The following HS3ST5 variants were observed in gnomAD, a reference collection of about 807,000 sequenced individuals.
HS3ST5 encodes heparan sulfate-glucosamine 3-sulfotransferase 5, also known as heparan sulfate glucosamine 3-O-sulfotransferase 5.
HS3ST5 carries 10 observed loss-of-function variants against 25.4 expected under a neutral mutation model. That is an observed-to-expected ratio of 0.39 (90% CI 0.24 to 0.67). The LOEUF is 0.67. HS3ST5 is among the 30% of genes least tolerant of loss of function. The probability of loss-of-function intolerance (pLI) is 0.44; values close to 1 mark genes in which losing one functional copy is unlikely to be tolerated. For missense variants in HS3ST5, 324 were observed against 420.7 expected (o/e 0.77, Z 2.01); for synonymous variants, 170 against 162.4 (o/e 1.05, Z -0.36).
At chr6:114,303,554 G>T (rs1775171942) in intron 1 of HS3ST5, among the ~76,000 whole-genome samples, 1 of 151,792 alleles carries the variant, frequency 6.6e-6, no homozygotes. Flanking sequence ...ACTAGTTTAA[G>T]AGAATATAAG....
intron 1 of HS3ST5, among the ~76,000 whole-genome samples, chr6:114,273,246 TGA>T (rs779693638): frequency 6.6e-6 from 1 of 151,988 alleles, no homozygotes; most frequent in Non-Finnish European, 1.5e-5. Flanking sequence ...ATGTAAAGTA[TGA>T]GAGAAAAACC....
intron 1 of HS3ST5, among the ~76,000 whole-genome samples, chr6:114,301,982 G>A (rs1775095089): frequency 1.3e-5 from 2 of 152,168 alleles, no homozygotes; most frequent in African/African-American, 4.8e-5. Flanking sequence ...ATCTTCGCTG[G>A]CTTTCAACAT....
chr6:114,145,588 A>G (rs1778121851), intron 3 of HS3ST5, among the ~76,000 whole-genome samples: 1 of 152,184 alleles, frequency 6.6e-6, no homozygotes, highest in Non-Finnish European at 1.5e-5. Flanking sequence ...ACATGGGCAG[A>G]AAATGACAGA....
At chr6:114,232,654 G>A (rs1159999633) in intron 1 of HS3ST5, among the ~76,000 whole-genome samples, 1 of 152,172 alleles carries the variant, frequency 6.6e-6, no homozygotes, top group African/African-American at 2.4e-5. Flanking sequence ...TCAGTTGAAT[G>A]AGCCAAAATC....
At chr6:114,248,217 A>AATATAT (rs34339841) in intron 1 of HS3ST5, among the ~76,000 whole-genome samples, 2 of 143,152 alleles carry the variant, frequency 1.4e-5, no homozygotes, top group Non-Finnish European at 3.0e-5. Flanking sequence ...TGAAAAAAAA[A>AATATAT]ATATATATAT....
chr6:114,137,276 A>C (rs561545734), intron 3 of HS3ST5, among the ~76,000 whole-genome samples: 14 of 152,228 alleles, frequency 9.2e-5, no homozygotes, highest in Admixed American at 6.5e-5. Flanking sequence ...AAGTAACAGT[A>C]TGCTGGCTTT....
chr6:114,097,367 T>C (rs1326922443), intron 3 of HS3ST5, among the ~76,000 whole-genome samples: 2 of 151,966 alleles, frequency 1.3e-5, no homozygotes, highest in Non-Finnish European at 2.9e-5. Context: ...TTCTAAGATA[T>C]GCAAAATGCA....
At chr6:114,085,891 CTTTTA>C (rs1281917515) in intron 3 of HS3ST5, among the ~76,000 whole-genome samples, 1 of 145,808 alleles carries the variant, frequency 6.9e-6, no homozygotes, top group Non-Finnish European at 1.5e-5. Flanking sequence ...ATAAAAATTG[CTTTTA>C]TTTTATTCAT....
intron 1 of HS3ST5, among the ~76,000 whole-genome samples, chr6:114,247,995 T>C (rs1772458651): frequency 6.6e-6 from 1 of 151,340 alleles, no homozygotes; most frequent in Non-Finnish European, 1.5e-5. Flanking sequence ...AGGTCAGGAG[T>C]TCGAGACCAG....
intron 3 of HS3ST5, among the ~76,000 whole-genome samples, chr6:114,095,401 A>G (rs777654731): frequency 7.9e-5 from 12 of 152,130 alleles, no homozygotes; most frequent in Non-Finnish European, 1.8e-4. Context: ...TGAAGTTCAA[A>G]CTACACAACC....
intron 1 of HS3ST5, among the ~76,000 whole-genome samples, chr6:114,290,168 T>C (rs1409525178): frequency 1.3e-5 from 2 of 152,126 alleles, no homozygotes; most frequent in Non-Finnish European, 2.9e-5. Flanking sequence ...TTGTTGTTGT[T>C]TCTATTGTAA....
rs573518953 is a variant in HS3ST5 at position 114,056,123 on chromosome 6, T to A, written c.*1134A>T. 6.6e-6 allele frequency: 1 copy of A among 152,334 alleles called. No homozygotes were observed. Among genetic ancestry groups the A allele is most frequent in the South Asian group, 2.1e-4 (1 of 4,822 alleles). 9.4% of individuals were successfully genotyped at this position (152,334 alleles called of 1,614,324 possible). A position where few individuals can be genotyped will look rare whatever the true frequency, so the allele number is the denominator to read the frequency against. Reference sequence around the variant, plus strand: ...GTCTGACTCTGATTAGAGGTTCAAATAAAATGGTGATTCTTCTATGCCTTG... The same window carrying A: ...GTCTGACTCTGATTAGAGGTTCAAAAAAAATGGTGATTCTTCTATGCCTTG... On this transcript the variant is annotated 3_prime_UTR_variant, in exon 5 of 5. Transcript: ENST00000312719.
chr6:114,067,264 G>A (rs898656623), intron 3 of HS3ST5, among the ~76,000 whole-genome samples: 8 of 152,108 alleles, frequency 5.3e-5, no homozygotes, highest in African/African-American at 1.9e-4. Context: ...ATAATTACAG[G>A]ACCAAAGGAT....
intron 2 of HS3ST5, among the ~76,000 whole-genome samples, chr6:114,199,701 A>G: frequency 6.6e-6 from 1 of 152,190 alleles, no homozygotes; most frequent in Non-Finnish European, 1.5e-5. Context: ...TAAATAATAA[A>G]TACTTCTTTT....
At chr6:114,249,573 A>C (rs924538239) in intron 1 of HS3ST5, among the ~76,000 whole-genome samples, 98 of 152,254 alleles carry the variant, frequency 6.4e-4, no homozygotes, top group African/African-American at 2.3e-3. Context: ...TGCAGACAAG[A>C]GTGTTGCCCT....
intron 1 of HS3ST5, among the ~76,000 whole-genome samples, chr6:114,328,007 A>T (rs1036102696): frequency 6.6e-6 from 1 of 152,158 alleles, no homozygotes; most frequent in Non-Finnish European, 1.5e-5. Flanking sequence ...CAGGTGAGAG[A>T]GATAGGGCAG....
chr6:114,090,752 G>T (rs191416445), intron 3 of HS3ST5, among the ~76,000 whole-genome samples: 6 of 152,316 alleles, frequency 3.9e-5, no homozygotes, highest in Non-Finnish European at 4.4e-5. Context: ...TTAAAAATGA[G>T]TGTATCTTAA....
intron 3 of HS3ST5, among the ~76,000 whole-genome samples, chr6:114,072,067 C>A (rs1773856276): frequency 6.6e-6 from 1 of 152,140 alleles, no homozygotes; most frequent in Non-Finnish European, 1.5e-5. Context: ...TATATTAGGG[C>A]TTTCTACATT....
intron 2 of HS3ST5, among the ~76,000 whole-genome samples, chr6:114,172,651 C>CT (rs559065190): frequency 1.3e-4 from 20 of 152,216 alleles, no homozygotes; most frequent in African/African-American, 4.8e-4. Flanking sequence ...TTTTAAATGA[C>CT]TGGGGGGAAA....
Sources: gnomAD v4.1 joint callset for allele counts (sites outside exome capture counted in the v4.1 genomes callset) on GRCh38, gnomAD v4.1.1 for gene constraint, MANE v1.5 for transcripts, NCBI Gene and HGNC (gene_info 2026-07-23, HGNC 2026-07-21) for gene names.